CHD6: variants seen among roughly 807,000 people sequenced by gnomAD.
CHD6 encodes the protein chromodomain helicase DNA binding protein 6.
CHD6 carries 50 observed loss-of-function variants against 276.9 expected under a neutral mutation model. The observed-to-expected ratio is 0.18, with a 90% CI of 0.14 to 0.23. The LOEUF (loss-of-function observed/expected upper bound fraction) is 0.23, where lower values mean the gene tolerates loss of function less well. Among genes scored for constraint, CHD6 ranks in the 10% least tolerant of loss-of-function variants. CHD6 has a pLI of 1.00. For synonymous variants in CHD6, 1,173 were observed against 1,229.3 expected, an observed-to-expected ratio of 0.95 and a Z score of 0.96; for missense variants, 2,564 against 3,365.8, an observed-to-expected ratio of 0.76 and a Z score of 5.89.
chr20:41,421,739 A>G lies in CHD6; in HGVS notation c.4896T>C (p.Leu1632=). 1 of 1,614,218 alleles carries G rather than the reference A, an allele frequency of 6.2e-7. No homozygotes were observed. The highest frequency in any genetic ancestry group is 8.5e-7 in the Non-Finnish European group (1 of 1,180,042). ...CATATAACTTGGAGTTGGTCTGGTA[A>G]AGGCAACAGAGATTTCCTGGTGCCT... ...GTQAPGNLCC[L]YQTNSKLYES... is the part of the protein sequence containing the mutation. Residue 1632 remains leucine (L), a synonymous_variant, in exon 31 of 37, where the codon CTT becomes CTC. Coordinates refer to ENST00000373233, the MANE Select transcript of CHD6 (RefSeq NM_032221.5).
In CHD6 at chr20:41,473,308, A is replaced by G. The variant is rs980588006; in HGVS notation, c.2664+14T>C. ...AGGGCAGCTAAGGTAAACAGCAATC[A>G]TCCTAGTGGTTACCTGCAAGTCATT... On this transcript the variant is annotated intron_variant, in intron 17 of 36. Transcript: ENST00000373233. This position sits in a 1 kb window ranked among gnomAD's most constrained non-coding sequence, Gnocchi z 4.1. 7 of 1,612,060 alleles carry G rather than the reference A, an allele frequency of 4.3e-6. No homozygotes were observed. The highest frequency in any genetic ancestry group is 1.7e-4 in the Middle Eastern group (1 of 5,930).
rs775078846 is a variant in CHD6, at chr20:41,473,493, C to T, written c.2493G>A (p.Gly831=). The part of the protein sequence containing the change: ...QRRYTYERID[G]RVRGNLRQAA... ...CCTGGCGCAGGTTTCCCCGTACTCG[C>T]CCATCAATTCGCTCATAGGTGTATC... Residue 831 remains glycine, a synonymous_variant, in exon 17 of 37, where the codon GGG becomes GGA. Transcript: ENST00000373233. The surrounding 1 kb of genome is among the most constrained non-coding windows in gnomAD (Gnocchi z 4.1). 10 of 1,613,962 alleles carry T rather than the reference C, an allele frequency of 6.2e-6. No homozygotes were observed. Among genetic ancestry groups the T allele is most frequent in the Non-Finnish European group, 2.5e-6 (3 of 1,179,982 alleles).
chr20:41,405,602 G>T (rs1281033871), intron 36 of CHD6, 113 bp from the exon 37 acceptor site: 2 of 776,138 alleles, frequency 2.6e-6, no homozygotes, highest in Non-Finnish European at 4.1e-6. Flanking sequence ...TGCACGAAGG[G>T]TTCCCAGTAC....
chr20:41,501,990 T>G (rs918909589), intron 5 of CHD6, among the ~76,000 whole-genome samples: 1 of 151,976 alleles, frequency 6.6e-6, no homozygotes, highest in Non-Finnish European at 1.5e-5. Context: ...TATAAATTGT[T>G]CTTTCTAATT....
chr20:41,613,394 G>C (rs1384689688), intron 1 of CHD6, among the ~76,000 whole-genome samples: 1 of 152,254 alleles, frequency 6.6e-6, no homozygotes, highest in African/African-American at 2.4e-5. Flanking sequence ...TGCAGAGGCA[G>C]ATGTGTGAAA....
At position 41,405,079 on chromosome 20, in the gene CHD6, T is replaced by C. The variant is rs1010849071; in HGVS notation, c.7662A>G (p.Leu2554=). 5.0e-6 allele frequency: 8 copies of C among 1,614,112 alleles called. No homozygotes were observed. Among genetic ancestry groups the C allele is most frequent in the Non-Finnish European group, 5.1e-6 (6 of 1,180,044 alleles). Residue 2554 remains leucine (L), a synonymous_variant, in exon 37 of 37, where the codon CTA becomes CTG. Transcript: ENST00000373233. The part of the protein sequence containing the change: ...TTCTSTAPAS[L]SSTTKSGTAV... ...CCGTACCACTTTTCGTTGTGCTTGA[T>C]AGAGACGCCGGAGCAGTGGAAGTGC...
At chr20:41,562,975 C>G (rs1056453600) in intron 1 of CHD6, among the ~76,000 whole-genome samples, 87 of 152,320 alleles carry the variant, frequency 5.7e-4, no homozygotes, top group African/African-American at 1.8e-3. Context: ...GTCATCACTT[C>G]CAAACTGAGG....
chr20:41,447,972 C>T lies in CHD6; in HGVS notation c.3684-1G>A. The stretch of plus-strand genomic sequence containing the variant: ...CAGCATCCGGACTCGCAAAAGTACT[C>T]TATGAAAGGTGAACACATTAATGCA... On this transcript the variant is annotated splice_acceptor_variant, in intron 23 of 36. Coordinates refer to ENST00000373233, the MANE Select transcript of CHD6 (RefSeq NM_032221.5). LOFTEE classifies it high-confidence loss of function. 1 of 1,594,988 alleles carries T rather than the reference C, an allele frequency of 6.3e-7. No individual in the cohort carries two copies. The highest frequency in any genetic ancestry group is 8.6e-7 in the Non-Finnish European group (1 of 1,165,494).
chr20:41,609,720 G>A (rs981839243), intron 1 of CHD6, among the ~76,000 whole-genome samples: 1 of 152,066 alleles, frequency 6.6e-6, no homozygotes, highest in Non-Finnish European at 1.5e-5. Context: ...ACAATTTCCT[G>A]CTTGAAAATC....
At chr20:41,413,873 C>A in intron 34 of CHD6, 1 of 176,396 alleles carries the variant, frequency 5.7e-6, no homozygotes. Flanking sequence ...GTTCCTAGCT[C>A]TCTCACATAA....
intron 17 of CHD6, among the ~76,000 whole-genome samples, chr20:41,457,994 G>A (rs961200904): frequency 6.6e-6 from 1 of 152,086 alleles, no homozygotes; most frequent in African/African-American, 2.4e-5. Flanking sequence ...ACAAACTCTT[G>A]TAAAATATAT....
At chr20:41,486,014 ATTT>A in intron 14 of CHD6, 1 of 152,254 alleles carries the variant, frequency 6.6e-6, no homozygotes, top group South Asian at 2.1e-4. Context: ...TTTTGATGTC[ATTT>A]TTATGGTTTT....
chr20:41,415,672 T>C, intron 33 of CHD6, 34 bp from the exon 34 acceptor site: 1 of 1,484,518 alleles, frequency 6.7e-7, no homozygotes, highest in Non-Finnish European at 9.0e-7. Context: ...GAGGTCTGAA[T>C]GTCACACAAG....
chr20:41,547,735 CT>C, intron 2 of CHD6: 1 of 566,596 alleles, frequency 1.8e-6, no homozygotes, highest in Non-Finnish European at 3.4e-6. Context: ...GGAATTATCA[CT>C]TTTGATGAGA....
chr20:41,567,993 T>C (rs2045378095), intron 1 of CHD6, among the ~76,000 whole-genome samples: 1 of 152,008 alleles, frequency 6.6e-6, no homozygotes, highest in Non-Finnish European at 1.5e-5. Context: ...CAAAATATTC[T>C]GAGAAAATAT....
rs564355663 is a variant in CHD6, at chr20:41,594,059, T to C, written c.-24+24281A>G. Among the ~76,000 whole-genome samples the C allele has an allele frequency of 8.0e-4, 122 of 152,336 alleles. 1 individual carries two copies. Among genetic ancestry groups the C allele is most frequent in the African/African-American group, 2.7e-3 (112 of 41,578 alleles). Reference sequence around the variant, plus strand: ...TTCTAAATCTACCCTTATGGGATTTTTGATGGCTTAATGGAACACCTCAAT... The same window carrying C: ...TTCTAAATCTACCCTTATGGGATTTCTGATGGCTTAATGGAACACCTCAAT... On this transcript the variant is annotated intron_variant, in intron 1 of 36. Coordinates refer to ENST00000373233, the MANE Select transcript of CHD6 (RefSeq NM_032221.5).
Position 41,415,441 on chromosome 20 carries a change from TC to T in CHD6, c.6683del (p.Gly2228GlufsTer8). The T allele has an allele frequency of 6.2e-7, 1 of 1,612,496 alleles. No individual in the cohort carries two copies. Among genetic ancestry groups the T allele is most frequent in the East Asian group, 2.2e-5 (1 of 44,860 alleles). ...CGCTCACTGGGAAAGGGGATGTGGC[TC>T]CTGGGGACCCCTCTGATGAGCAGGA... ...DLSCSSEGSP[G>X]ATSPFPVSAS... On this transcript the variant is annotated frameshift_variant, in exon 34 of 37. Transcript: ENST00000373233. LOFTEE classifies it high-confidence loss of function.
chr20:41,485,861 T>C (rs2043400559), intron 14 of CHD6: 1 of 152,168 alleles, frequency 6.6e-6, no homozygotes, highest in African/African-American at 2.4e-5. Context: ...AAAAAGCATG[T>C]GCTAATTAGC....
At chr20:41,513,077 C>T (rs1486520236) in intron 4 of CHD6, 82 bp from the exon 5 acceptor site, 1 of 1,460,064 alleles carries the variant, frequency 6.8e-7, no homozygotes, top group African/African-American at 1.4e-5. Context: ...TCTACATTTA[C>T]TAACATGCCA....
Sources: gnomAD v4.1 joint callset for allele counts (sites outside exome capture counted in the v4.1 genomes callset) on GRCh38, gnomAD v4.1.1 for gene constraint, Gnocchi (gnomAD v3.1) non-coding constraint, MANE v1.5 for transcripts, NCBI Gene and HGNC (gene_info 2026-07-23, HGNC 2026-07-21) for gene names.